Variants in DOK5 observed in about 807,000 individuals in gnomAD.
DOK5 encodes the protein docking protein 5.
In DOK5, 27 loss-of-function variants were observed where a neutral mutation model predicts 43.3. The observed-to-expected ratio is 0.62, with a 90% CI of 0.46 to 0.86. The LOEUF is 0.86. Among genes scored for constraint, DOK5 ranks in the 40% least tolerant of loss-of-function variants. The probability of loss-of-function intolerance (pLI) is 0.00; values close to 1 mark genes in which losing one functional copy is unlikely to be tolerated. For synonymous variants in DOK5, 146 were observed against 140.1 expected (o/e 1.04, Z -0.30); for missense variants, 373 against 392.9 (o/e 0.95, Z 0.43).
intron 5 of DOK5, among the ~76,000 whole-genome samples, chr20:54,594,223 C>A (rs1411610017): frequency 1.3e-5 from 2 of 151,730 alleles, no homozygotes; most frequent in East Asian, 3.9e-4. Context: ...AAAATAAAAG[C>A]AAATTAAATG....
At chr20:54,603,462 G>T (rs1986361491) in intron 5 of DOK5, among the ~76,000 whole-genome samples, 2 of 152,334 alleles carry the variant, frequency 1.3e-5, no homozygotes, top group Non-Finnish European at 2.9e-5. Context: ...TGAAGCAACA[G>T]TTCCCTAAAC....
chr20:54,643,911 C>T (rs781684221), intron 7 of DOK5, among the ~76,000 whole-genome samples: 26 of 152,134 alleles, frequency 1.7e-4, no homozygotes, highest in East Asian at 5.8e-4. Flanking sequence ...AGGGTCTGGG[C>T]GAGGGGCCAG....
At chr20:54,621,676 G>A (rs1428201240) in intron 6 of DOK5, among the ~76,000 whole-genome samples, 1 of 150,544 alleles carries the variant, frequency 6.6e-6, no homozygotes, top group Non-Finnish European at 1.5e-5. Flanking sequence ...GCAATAGAAC[G>A]AGACTCGGCC....
At chr20:54,519,319 G>A (rs1423613546) in intron 1 of DOK5, among the ~76,000 whole-genome samples, 1 of 152,148 alleles carries the variant, frequency 6.6e-6, no homozygotes, top group Non-Finnish European at 1.5e-5. Flanking sequence ...TTAATATTTA[G>A]CATCTGTTCC....
chr20:54,556,416 C>T (rs978543840), intron 2 of DOK5, among the ~76,000 whole-genome samples: 1 of 152,154 alleles, frequency 6.6e-6, no homozygotes, highest in African/African-American at 2.4e-5. Flanking sequence ...CACAGTGATC[C>T]ATGAAGCCAG....
intron 6 of DOK5, among the ~76,000 whole-genome samples, chr20:54,637,939 G>T (rs573640551): frequency 6.6e-6 from 1 of 152,092 alleles, no homozygotes. Context: ...TGGCTAACAC[G>T]GTGAAACCCC....
intron 2 of DOK5, among the ~76,000 whole-genome samples, chr20:54,576,348 C>T (rs915488658): frequency 2.6e-5 from 4 of 152,136 alleles, no homozygotes; most frequent in African/African-American, 9.7e-5. Flanking sequence ...GCCAAAACTT[C>T]TTATATCTTC....
chr20:54,615,816 G>A (rs1441460383), intron 6 of DOK5, among the ~76,000 whole-genome samples: 1 of 151,782 alleles, frequency 6.6e-6, no homozygotes, highest in Admixed American at 6.6e-5. Flanking sequence ...CAGGAGAATT[G>A]TTTGAACCTG....
chr20:54,583,949 T>C (rs1168086277), intron 2 of DOK5, among the ~76,000 whole-genome samples: 11 of 149,106 alleles, frequency 7.4e-5, no homozygotes, highest in African/African-American at 2.7e-4. Context: ...TCACTTGAGG[T>C]CCCAACATGG....
intron 1 of DOK5, among the ~76,000 whole-genome samples, chr20:54,543,268 A>G (rs763421407): frequency 4.0e-4 from 57 of 142,486 alleles, no homozygotes; most frequent in Admixed American, 7.6e-4. Context: ...ATACATTTAT[A>G]TATCCCGAAT....
intron 1 of DOK5, among the ~76,000 whole-genome samples, chr20:54,509,082 G>A (rs1448727605): frequency 6.6e-6 from 1 of 152,094 alleles, no homozygotes; most frequent in Non-Finnish European, 1.5e-5. Flanking sequence ...TGCCATGTTG[G>A]CCAGGCCGGT....
In DOK5 at chr20:54,591,732, C is replaced by A. The variant is rs756105845; in HGVS notation, c.526C>A (p.Leu176Ile). 6.2e-7 allele frequency: 1 copy of A among 1,614,132 alleles called. No homozygotes were observed. The highest frequency in any genetic ancestry group is 1.3e-5 in the African/African-American group (1 of 74,946). The change falls in exon 5 of 8, where the codon CTC becomes ATC. Residue 176 changes from leucine (L) to isoleucine (I), a missense_variant. Coordinates refer to ENST00000262593, the MANE Select transcript of DOK5 (RefSeq NM_018431.5). Reference protein sequence around the residue: ...LWDVQNPRVKLISWPLSALRR... With the variant: ...LWDVQNPRVKIISWPLSALRR... ...GGACGTCCAGAATCCCAGAGTCAAA[C>A]TCATCTCTTGGCCGCTAAGCGCCCT...
chr20:54,509,796 A>ACTGCTTGCC, intron 1 of DOK5, among the ~76,000 whole-genome samples: 1 of 152,146 alleles, frequency 6.6e-6, no homozygotes, highest in Non-Finnish European at 1.5e-5. Context: ...TCTAGGACAG[A>ACTGCTTGCC]CTGCTTGCCT....
intron 2 of DOK5, among the ~76,000 whole-genome samples, chr20:54,578,914 A>G (rs1246745682): frequency 6.6e-6 from 1 of 152,184 alleles, no homozygotes; most frequent in Non-Finnish European, 1.5e-5. Flanking sequence ...TGGGAATCAG[A>G]TCATCACCCA....
chr20:54,592,541 ATTT>A (rs767769473), intron 5 of DOK5, among the ~76,000 whole-genome samples: 1 of 140,048 alleles, frequency 7.1e-6, no homozygotes, highest in African/African-American at 2.6e-5. Context: ...ACTGCAGGTA[ATTT>A]TTTTTTTTTT....
At chr20:54,483,386 C>T (rs1044039680) in intron 1 of DOK5, among the ~76,000 whole-genome samples, 159 of 152,220 alleles carry the variant, frequency 1.0e-3, no homozygotes, top group African/African-American at 3.6e-3. Flanking sequence ...TCAAATATTT[C>T]TTGAGTACCT....
At chr20:54,612,268 G>T (rs1330677324) in intron 6 of DOK5, among the ~76,000 whole-genome samples, 1 of 152,172 alleles carries the variant, frequency 6.6e-6, no homozygotes, top group Non-Finnish European at 1.5e-5. Flanking sequence ...GCCTGCCCCC[G>T]TGAGCCAGTG....
intron 1 of DOK5, among the ~76,000 whole-genome samples, chr20:54,509,452 C>T (rs1353917826): frequency 6.6e-6 from 1 of 152,204 alleles, no homozygotes; most frequent in Non-Finnish European, 1.5e-5. Flanking sequence ...CCTCCGCCTC[C>T]CAAAATGCTG....
chr20:54,550,704 T>G (rs2146724767), intron 1 of DOK5, among the ~76,000 whole-genome samples: 1 of 151,836 alleles, frequency 6.6e-6, no homozygotes, highest in African/African-American at 2.4e-5. Context: ...TTTATCCAAG[T>G]TGTTGCAGAT....
Sources: allele counts gnomAD v4.1 joint callset (sites outside exome capture counted in the v4.1 genomes callset), GRCh38; gene constraint gnomAD v4.1.1; transcripts MANE v1.5; gene names NCBI Gene and HGNC (gene_info 2026-07-23, HGNC 2026-07-21).